Variants in CALN1 observed in about 807,000 individuals in gnomAD.
CALN1 encodes calneuron 1.
In CALN1, 17 loss-of-function variants were observed where a neutral mutation model predicts 30.6. That is an observed-to-expected ratio of 0.56 (90% CI 0.38 to 0.83). CALN1 has a LOEUF of 0.83. Ranked by LOEUF, CALN1 falls within the 40% of genes least tolerant of loss-of-function variation. The pLI is 0.00. For synonymous variants in CALN1, 156 were observed against 131.4 expected (o/e 1.19, Z -1.28); for missense variants, 291 against 354.9 (o/e 0.82, Z 1.45).
intron 5 of CALN1, among the ~76,000 whole-genome samples, chr7:71,901,062 T>C (rs950769338): frequency 5.3e-5 from 8 of 152,168 alleles, no homozygotes; most frequent in Non-Finnish European, 8.8e-5. Context: ...AGTGTACTTT[T>C]GCTTTGCGAT....
chr7:71,857,908 T>C (rs1791048758), intron 5 of CALN1, among the ~76,000 whole-genome samples: 1 of 152,124 alleles, frequency 6.6e-6, no homozygotes, highest in Non-Finnish European at 1.5e-5. Context: ...TGCTGCATAT[T>C]CTATATTTCT....
chr7:71,977,830 G>A (rs767797675), intron 5 of CALN1, among the ~76,000 whole-genome samples: 1 of 151,622 alleles, frequency 6.6e-6, no homozygotes, highest in African/African-American at 2.4e-5. Flanking sequence ...TAGTTGGGAG[G>A]TTGAGGAAGG....
rs550620324 is a variant in CALN1, at chr7:71,930,945, C to T, written c.501+92712G>A. On this transcript the variant is annotated intron_variant, in intron 5 of 6. Transcript: ENST00000395275. ...GTCCCTTTTGGTACTTTTATAACACCGTACATGTTTCTAGACAGAGGTCTG... is the reference window on the plus strand; with the variant it reads ...GTCCCTTTTGGTACTTTTATAACACTGTACATGTTTCTAGACAGAGGTCTG... 6.6e-5 allele frequency among the ~76,000 whole-genome samples: 10 copies of T among 152,258 alleles called. No individual in the cohort carries two copies. The South Asian group carries it at 8.3e-4, about 13-fold the overall frequency.
intron 2 of CALN1, among the ~76,000 whole-genome samples, chr7:72,311,463 T>C (rs1800041674): frequency 6.6e-6 from 1 of 151,958 alleles, no homozygotes; most frequent in South Asian, 2.1e-4. Flanking sequence ...AAGGATCAAC[T>C]GTATTTCTTT....
At chr7:72,403,007 T>A (rs1433046976) in intron 2 of CALN1, among the ~76,000 whole-genome samples, 1 of 152,136 alleles carries the variant, frequency 6.6e-6, no homozygotes, top group Non-Finnish European at 1.5e-5. Flanking sequence ...AACAAGCATG[T>A]CCCTCCCCAA....
At position 71,949,729 on chromosome 7, in the gene CALN1, C is replaced by T. The variant is rs553819006; in HGVS notation, c.501+73928G>A. ...AATTCTGTAACAGGGCTCTCGAGCC[C>T]CTATGCCTGGGCCTGCTCCCAACCT... is the stretch of plus-strand genomic sequence containing the variant. On this transcript the variant is annotated intron_variant, in intron 5 of 6. Transcript: ENST00000395275. 7.2e-5 allele frequency among the ~76,000 whole-genome samples: 11 copies of T among 151,944 alleles called. No individual in the cohort carries two copies. The South Asian group carries it at 2.3e-3, about 32-fold the overall frequency.
At chr7:71,993,706 C>T (rs1799084995) in intron 5 of CALN1, among the ~76,000 whole-genome samples, 1 of 152,130 alleles carries the variant, frequency 6.6e-6, no homozygotes, top group Admixed American at 6.5e-5. Flanking sequence ...ATCCACCTGC[C>T]TTCGCCTCCC....
At chr7:72,157,861 A>G (rs1334667171) in intron 3 of CALN1, among the ~76,000 whole-genome samples, 2 of 152,172 alleles carry the variant, frequency 1.3e-5, no homozygotes, top group African/African-American at 2.4e-5. Flanking sequence ...CTCTTGCCTC[A>G]GCCTCCAGAG....
intron 6 of CALN1, among the ~76,000 whole-genome samples, chr7:71,799,395 T>C (rs991936903): frequency 1.3e-5 from 2 of 152,004 alleles, no homozygotes; most frequent in Non-Finnish European, 2.9e-5. Flanking sequence ...TTCAGTGTTA[T>C]TTACACAAAA....
chr7:72,019,112 A>C (rs1160180320), intron 5 of CALN1, among the ~76,000 whole-genome samples: 1 of 151,524 alleles, frequency 6.6e-6, no homozygotes, highest in Non-Finnish European at 1.5e-5. Context: ...CGGCCTCCCT[A>C]AGTGCTGGGA....
At chr7:72,413,074 G>T (rs1349731932), upstream of CALN1, among the ~76,000 whole-genome samples, 3 of 152,110 alleles carry the variant, frequency 2.0e-5, no homozygotes, top group Admixed American at 2.0e-4. Flanking sequence ...ACTGATGGAC[G>T]CCCTGGCAGA....
chr7:72,347,009 G>A (rs945055758), intron 2 of CALN1, among the ~76,000 whole-genome samples: 14 of 152,134 alleles, frequency 9.2e-5, no homozygotes, highest in African/African-American at 3.4e-4. Context: ...AAGAGAGTAA[G>A]AGAGGATTAG....
chr7:72,149,257 C>A (rs1787027358), intron 3 of CALN1, among the ~76,000 whole-genome samples: 1 of 151,992 alleles, frequency 6.6e-6, no homozygotes, highest in Non-Finnish European at 1.5e-5. Flanking sequence ...CTTGAGAGGT[C>A]AGGAATACCA....
At chr7:72,264,312 A>C (rs981577173) in intron 3 of CALN1, among the ~76,000 whole-genome samples, 10 of 152,168 alleles carry the variant, frequency 6.6e-5, no homozygotes, top group African/African-American at 2.2e-4. Flanking sequence ...TGCTCAGCTC[A>C]TAAGAACACT....
At chr7:72,067,972 T>C (rs1211578901) in intron 4 of CALN1, among the ~76,000 whole-genome samples, 4 of 152,264 alleles carry the variant, frequency 2.6e-5, no homozygotes, top group Admixed American at 2.6e-4. Flanking sequence ...GTGTGCTTTG[T>C]ATCTTAGTCA....
intron 2 of CALN1, among the ~76,000 whole-genome samples, chr7:72,386,706 G>T (rs573101683): frequency 6.6e-6 from 1 of 152,108 alleles, no homozygotes; most frequent in South Asian, 2.1e-4. Context: ...TGTAATCATA[G>T]CTCACTGCAA....
intron 5 of CALN1, among the ~76,000 whole-genome samples, chr7:71,967,576 T>C (rs942909917): frequency 6.9e-6 from 1 of 145,144 alleles, no homozygotes; most frequent in African/African-American, 2.6e-5. Context: ...CAGTGACCCG[T>C]GATCGTGTCA....
chr7:72,128,646 G>C (rs769019781), intron 3 of CALN1, among the ~76,000 whole-genome samples: 1 of 152,158 alleles, frequency 6.6e-6, no homozygotes, highest in Non-Finnish European at 1.5e-5. Flanking sequence ...TGAGGTGGGC[G>C]GATCACCTGA....
chr7:72,372,020 T>C (rs1222932046), intron 2 of CALN1, among the ~76,000 whole-genome samples: 1 of 152,164 alleles, frequency 6.6e-6, no homozygotes, highest in Non-Finnish European at 1.5e-5. Context: ...ATTTCTGAGA[T>C]TGAATTCAAT....
Sources: allele counts gnomAD v4.1 joint callset (sites outside exome capture counted in the v4.1 genomes callset), GRCh38; gene constraint gnomAD v4.1.1; transcripts MANE v1.5; gene names NCBI Gene and HGNC (gene_info 2026-07-23, HGNC 2026-07-21).